The following COL20A1 variants were observed in gnomAD, a reference collection of about 807,000 sequenced individuals.
COL20A1 encodes collagen alpha-1(XX) chain.
COL20A1 carries 164 observed loss-of-function variants against 152.9 expected under a neutral mutation model. The observed-to-expected ratio is 1.07, with a 90% CI of 0.94 to 1.22. The LOEUF (loss-of-function observed/expected upper bound fraction) is 1.22, where lower values mean the gene tolerates loss of function less well. Ranked by LOEUF, COL20A1 falls within the 50% of genes most tolerant of loss-of-function variation. The pLI is 0.00. For synonymous variants in COL20A1, 864 were observed against 756.0 expected, an observed-to-expected ratio of 1.14 and a Z score of -2.34; for missense variants, 1,873 against 1,744.8, an observed-to-expected ratio of 1.07 and a Z score of -1.31.
rs764123388 is a variant in COL20A1 at position 63,326,831 on chromosome 20, C to T, written c.3528+8C>T. ...GGGACCGTGGGGCCCACAGTAAGTG[C>T]ATTTCCAACACCCACCAGCCAACCA... On this transcript the variant is annotated splice_region_variant and intron_variant, in intron 31 of 35. Coordinates refer to ENST00000358894, the MANE Select transcript of COL20A1 (RefSeq NM_020882.4). The T allele has an allele frequency of 1.3e-6, 2 of 1,493,328 alleles. No individual in the cohort carries two copies. The highest frequency in any genetic ancestry group is 1.8e-6 in the Non-Finnish European group (2 of 1,132,130). 92.5% of individuals were successfully genotyped at this position (1,493,328 alleles called of 1,614,324 possible).
intron 5 of COL20A1, 86 bp from the exon 6 acceptor site, chr20:63,307,404 T>G (rs2067939046): frequency 7.5e-7 from 1 of 1,329,564 alleles, no homozygotes; most frequent in East Asian, 2.4e-5. Context: ...CTCACTCTTG[T>G]GGCTGGAGCC....
intron 30 of COL20A1, among the ~76,000 whole-genome samples, chr20:63,326,380 G>A (rs2068248367): frequency 6.6e-6 from 1 of 152,174 alleles, no homozygotes; most frequent in Non-Finnish European, 1.5e-5. Context: ...CTCAGTTCCT[G>A]GGAGACCTTG....
chr20:63,294,031 C>T (rs961023446), intron 1 of COL20A1, among the ~76,000 whole-genome samples: 25 of 129,314 alleles, frequency 1.9e-4, no homozygotes, highest in African/African-American at 2.1e-4. Context: ...GGTAGGGGCC[C>T]GGCCTGCCGG....
chr20:63,328,465 T>G lies in COL20A1; in HGVS notation c.3748T>G (p.Trp1250Gly). 1 of 1,612,296 alleles carries G rather than the reference T, an allele frequency of 6.2e-7. No homozygotes were observed. The highest frequency in any genetic ancestry group is 8.5e-7 in the Non-Finnish European group (1 of 1,179,562). Residue 1250 changes from tryptophan to glycine, a missense_variant, in exon 34 of 36, where the codon TGG (tryptophan) becomes GGG (glycine). By Grantham distance (184) the Trp-to-Gly change is radical. Transcript: ENST00000358894. ...TRSKALVPGEWGRGGRHLEGR... is the reference protein window; with the variant it reads ...TRSKALVPGEGGRGGRHLEGR... ...CAGCAAGGCCCTGGTTCCTGGAGAA[T>G]GGGGGCGTGGTGGCCGCCACCTTGA...
At chr20:63,298,465 A>T (rs1480996185) in intron 3 of COL20A1, among the ~76,000 whole-genome samples, 2 of 151,488 alleles carry the variant, frequency 1.3e-5, no homozygotes, top group African/African-American at 4.9e-5. Flanking sequence ...TAATTTTTGT[A>T]TTTTTTGTGG....
chr20:63,314,111 G>C lies in COL20A1; in HGVS notation c.2398G>C (p.Asp800His). 1.2e-6 allele frequency: 2 copies of C among 1,612,618 alleles called. No homozygotes were observed. The highest frequency in any genetic ancestry group is 2.7e-5 in the African/African-American group (2 of 75,044). Reference protein sequence around the residue: ...PGARSHVTLPDLQAATKYRVL... With the variant: ...PGARSHVTLPHLQAATKYRVL... ...AGCCAGGAGCCACGTGACACTGCCC[G>C]ACCTGCAGGCAGCCACGAAGTACAG... Residue 800 changes from aspartate (D) to histidine (H), a missense_variant, in exon 19 of 36, where the codon GAC (aspartate) becomes CAC (histidine). By Grantham distance (81) the Asp-to-His change is moderately conservative. Transcript: ENST00000358894.
intron 21 of COL20A1, among the ~76,000 whole-genome samples, chr20:63,317,138 CCCTGAACTGTGAT>C (rs558477380): frequency 6.8e-4 from 104 of 152,288 alleles, no homozygotes; most frequent in African/African-American, 2.4e-3. Flanking sequence ...TTCATCGTGA[CCCTGAACTGTGAT>C]ATAAGCTGCA....
intron 25 of COL20A1, 137 bp downstream of exon 25, chr20:63,320,505 G>T: frequency 1.2e-6 from 1 of 852,062 alleles, no homozygotes; most frequent in Non-Finnish European, 1.9e-6. Flanking sequence ...TTCAGAGGAG[G>T]CAGCCTCAGG....
chr20:63,295,893 G>A (rs567022955), intron 2 of COL20A1, among the ~76,000 whole-genome samples: 4 of 152,390 alleles, frequency 2.6e-5, no homozygotes, highest in South Asian at 4.1e-4. Flanking sequence ...CCAACGCGGC[G>A]CCTCCCGGCA....
At position 63,328,506 on chromosome 20, in the gene COL20A1, G is replaced by C. The variant is rs763592600; in HGVS notation, c.3781+8G>C. On this transcript the variant is annotated splice_region_variant and intron_variant, in intron 34 of 35. Coordinates refer to ENST00000358894, the MANE Select transcript of COL20A1 (RefSeq NM_020882.4). ...GCCACCTTGAGGGCAGAGGTACTGG[G>C]CTCCTGGCTCTTGGGGAGGGAGTTG... 6.2e-7 allele frequency: 1 copy of C among 1,602,766 alleles called. No homozygotes were observed. Among genetic ancestry groups the C allele is most frequent in the South Asian group, 1.1e-5 (1 of 90,438 alleles).
Position 63,313,409 on chromosome 20 carries a change from C to T in COL20A1, c.2209+160C>T, listed in dbSNP as rs994576325. Among the ~76,000 whole-genome samples the T allele has an allele frequency of 6.6e-6, 1 of 152,182 alleles. No homozygotes were observed. The highest frequency in any genetic ancestry group is 2.4e-5 in the African/African-American group (1 of 41,434). ...TGGTCGTTGGAGTCTGCAGCACTTC[C>T]TTGAGCTCACACGGGTATAGGTGTT... On this transcript the variant is annotated intron_variant, in intron 17 of 35. Transcript: ENST00000358894. The surrounding 1 kb of genome is among the most constrained non-coding windows in gnomAD (Gnocchi z 5.9).
In COL20A1 at chr20:63,330,889, T is replaced by G. The variant is rs1009115783; in HGVS notation, c.*173T>G. 1 of 152,064 alleles carries G rather than the reference T, an allele frequency of 6.6e-6. No individual in the cohort carries two copies. Among genetic ancestry groups the G allele is most frequent in the Admixed American group, 6.6e-5 (1 of 15,262 alleles). 9.4% of individuals were successfully genotyped at this position (152,064 alleles called of 1,614,324 possible). ...CCAAGGCCCACCCCATACTCTTGGC[T>G]CTGTAGCATTTCCAAGTTCAGATAA... On this transcript the variant is annotated 3_prime_UTR_variant, in exon 36 of 36. Transcript: ENST00000358894.
At chr20:63,330,071 C>G (rs1311286522) in intron 35 of COL20A1, among the ~76,000 whole-genome samples, 1 of 151,964 alleles carries the variant, frequency 6.6e-6, no homozygotes. Flanking sequence ...TCACAGGAGT[C>G]CCAGGAGGGG....
Position 63,319,054 on chromosome 20 carries a change from A to T in COL20A1, c.2664-4A>T. 2 of 937,380 alleles carry T rather than the reference A, an allele frequency of 2.1e-6. No individual in the cohort carries two copies. The highest frequency in any genetic ancestry group is 3.0e-6 in the Non-Finnish European group (2 of 667,234). The allele number at this position is 937,380 out of a possible 1,614,324, so 58.1% of individuals were successfully genotyped here. On this transcript the variant is annotated splice_polypyrimidine_tract_variant and splice_region_variant and intron_variant, in intron 21 of 35. Transcript: ENST00000358894. The surrounding 1 kb of genome is among the most constrained non-coding windows in gnomAD (Gnocchi z 4.4). ...TGTGCCTCTCCCTCCCCCAACCCCCACAGTGACGTCTACCCAGCCCCCCTA... is the reference window on the plus strand; with the variant it reads ...TGTGCCTCTCCCTCCCCCAACCCCCTCAGTGACGTCTACCCAGCCCCCCTA...
Position 63,309,921 on chromosome 20 carries a change from G to C in COL20A1, c.1263+6G>C, listed in dbSNP as rs761582929. 6.3e-7 allele frequency: 1 copy of C among 1,594,592 alleles called. No homozygotes were observed. Among genetic ancestry groups the C allele is most frequent in the African/African-American group, 1.3e-5 (1 of 74,588 alleles). On this transcript the variant is annotated splice_donor_region_variant and intron_variant, in intron 10 of 35. Transcript: ENST00000358894. ...GAGGTGGCACCCCCAGGGAGGTGAG[G>C]GGGCCGGTATACAGGGCTCCCCGAG...
rs1239459103 is a variant in COL20A1, at chr20:63,321,099, A to C, written c.3240A>C (p.Pro1080=). 4 of 1,585,490 alleles carry C rather than the reference A, an allele frequency of 2.5e-6. No homozygotes were observed. In the East Asian group the frequency reaches 9.2e-5, roughly 36 times the overall value. The change falls in exon 26 of 36, where the codon CCA becomes CCC. Residue 1080 remains proline, a splice_region_variant and synonymous_variant. Transcript: ENST00000358894. ...GGCCCCCAGGACCTCAAGGACCCCCAGTGAGTCCAGTGGCGTCTCCTTGGG... is the reference window on the plus strand; with the variant it reads ...GGCCCCCAGGACCTCAAGGACCCCCCGTGAGTCCAGTGGCGTCTCCTTGGG... ...TPGPPGPQGP[P]GLPGRNGTPG...
chr20:63,302,195 AAT>A (rs1390360986), intron 3 of COL20A1, among the ~76,000 whole-genome samples: 3 of 152,164 alleles, frequency 2.0e-5, no homozygotes, highest in African/African-American at 7.2e-5. Flanking sequence ...TAAATATTTC[AAT>A]ATGTTTCTCT....
rs192347214 is a variant in COL20A1, at chr20:63,305,183, G to A, written c.194-234G>A. The stretch of plus-strand genomic sequence containing the variant: ...CCTCACCATGCGGCGGATTCCTCTA[G>A]GGGGGTTTAGTAAGTGACATCTTCT... On this transcript the variant is annotated intron_variant, in intron 3 of 35. Transcript: ENST00000358894. This position sits in a 1 kb window ranked among gnomAD's most constrained non-coding sequence, Gnocchi z 4.9. Among the ~76,000 whole-genome samples, 6 of 151,280 alleles carry A rather than the reference G, an allele frequency of 4.0e-5. No homozygotes were observed. The East Asian group carries it at 1.2e-3, about 29-fold the overall frequency.
rs1474304263 is a variant in COL20A1 at position 63,306,423 on chromosome 20, G to T, written c.496+384G>T. Among the ~76,000 whole-genome samples, 4 of 152,246 alleles carry T rather than the reference G, an allele frequency of 2.6e-5. No homozygotes were observed. Among genetic ancestry groups the T allele is most frequent in the Admixed American group, 2.0e-4 (3 of 15,292 alleles). On this transcript the variant is annotated intron_variant, in intron 5 of 35. Coordinates refer to ENST00000358894, the MANE Select transcript of COL20A1 (RefSeq NM_020882.4). This position sits in a 1 kb window ranked among gnomAD's most constrained non-coding sequence, Gnocchi z 6.9. ...TAACTTAAAGTTGCCATGTTCCCAG[G>T]TTCACTCAAGCCAGGCCACTGGGAG...
Sources: allele counts gnomAD v4.1 joint callset (sites outside exome capture counted in the v4.1 genomes callset), GRCh38; gene constraint gnomAD v4.1.1; non-coding constraint Gnocchi (gnomAD v3.1); transcripts MANE v1.5; gene names NCBI Gene and HGNC (gene_info 2026-07-23, HGNC 2026-07-21).